The following ICAM1 variants were observed in gnomAD, a reference collection of about 807,000 sequenced individuals.
ICAM1 encodes the protein intercellular adhesion molecule 1.
In ICAM1, 28 loss-of-function variants were observed where a neutral mutation model predicts 42.3. That is an observed-to-expected ratio of 0.66 (90% CI 0.49 to 0.91). ICAM1 has a LOEUF of 0.91. Ranked by LOEUF, ICAM1 falls within the 40% of genes least tolerant of loss-of-function variation. The pLI, the probability that ICAM1 is intolerant of heterozygous loss-of-function variation, is 0.00. For synonymous variants in ICAM1, 304 were observed against 305.9 expected, an observed-to-expected ratio of 0.99 and a Z score of 0.07; for missense variants, 637 against 688.6, an observed-to-expected ratio of 0.93 and a Z score of 0.84.
Position 10,275,033 on chromosome 19 carries a change from G to C in ICAM1, c.331+5G>C. The C allele has an allele frequency of 1.2e-6, 2 of 1,612,930 alleles. No homozygotes were observed. The highest frequency in any genetic ancestry group is 2.2e-5 in the South Asian group (2 of 91,020). ...AAACCTTCCTCACCGTGTACTGTGA[G>C]TAACTGAGCCCGGAGGGCTGGACTA... On this transcript the variant is annotated splice_donor_5th_base_variant and intron_variant, in intron 2 of 6. Transcript: ENST00000264832.
rs561258573 is a variant in ICAM1 at position 10,285,002 on chromosome 19, C to T, written c.1400C>T (p.Thr467Ile). The T allele has an allele frequency of 1.8e-4, 289 of 1,613,644 alleles. 1 individual carries two copies. The South Asian group carries it at 3.0e-3, about 17-fold the overall frequency. ...GCCAGGAGCACTCAAGGGGAGGTCA[C>T]CCGCAAGGTGACCGTGAATGTGCTC... ...CRARSTQGEV[T>I]RKVTVNVLSP... Residue 467 changes from threonine (T) to isoleucine (I), a missense_variant, in exon 6 of 7, where the codon ACC becomes ATC. Coordinates refer to ENST00000264832, the MANE Select transcript of ICAM1 (RefSeq NM_000201.3).
Position 10,285,897 on chromosome 19 carries a change from TC to T in ICAM1, c.*611del, listed in dbSNP as rs2040101453. ...CTCCCAGTCCTAATCACATTCAAGG[TC>T]ACCAGGTACAGTTGTACAGGTTGTA... is the stretch of plus-strand genomic sequence containing the variant. On this transcript the variant is annotated 3_prime_UTR_variant, in exon 7 of 7. Coordinates refer to ENST00000264832, the MANE Select transcript of ICAM1 (RefSeq NM_000201.3). 6.5e-6 allele frequency: 1 copy of T among 154,390 alleles called. No homozygotes were observed. Among genetic ancestry groups the T allele is most frequent in the African/African-American group, 2.4e-5 (1 of 41,452 alleles). 9.6% of individuals were successfully genotyped at this position (154,390 alleles called of 1,614,324 possible). A position where few individuals can be genotyped will look rare whatever the true frequency, so the allele number is the denominator to read the frequency against.
intron 2 of ICAM1, among the ~76,000 whole-genome samples, chr19:10,275,258 T>A (rs570185055): frequency 6.6e-6 from 1 of 152,300 alleles, no homozygotes; most frequent in East Asian, 1.9e-4. Flanking sequence ...TCCCAGCACT[T>A]TGAGAGGCTG....
intron 1 of ICAM1, 73 bp from the exon 2 acceptor site, chr19:10,274,692 C>A: frequency 6.5e-7 from 1 of 1,537,802 alleles, no homozygotes. Context: ...CAGCACCCAG[C>A]ACAGGCTGGG....
In ICAM1 at chr19:10,285,320, T is replaced by C; in HGVS notation, c.*33T>C. ...CCGGGACAGGGCCTCTTCCTCGGCC[T>C]TCCCATATTGGTGGCAGTGGTGCCA... On this transcript the variant is annotated 3_prime_UTR_variant, in exon 7 of 7. Transcript: ENST00000264832. 6.2e-7 allele frequency: 1 copy of C among 1,601,670 alleles called. No individual in the cohort carries two copies. The highest frequency in any genetic ancestry group is 8.5e-7 in the Non-Finnish European group (1 of 1,172,104).
rs569579258 is a variant in ICAM1 at position 10,283,094 on chromosome 19, C to T, written c.332-387C>T. 7.2e-5 allele frequency: 12 copies of T among 166,862 alleles called. No individual in the cohort carries two copies. The East Asian group carries it at 2.0e-3, about 28-fold the overall frequency. The allele number at this position is 166,862 out of a possible 1,614,324, so 10.3% of individuals were successfully genotyped here. ...TGGTGTGTGCCTGTAATCTAAGCTA[C>T]TCAGGAGGCTGAGGCAGGAGAATCC... On this transcript the variant is annotated intron_variant, in intron 2 of 6. Coordinates refer to ENST00000264832, the MANE Select transcript of ICAM1 (RefSeq NM_000201.3).
intron 2 of ICAM1, among the ~76,000 whole-genome samples, chr19:10,280,183 G>T (rs2040045952): frequency 2.6e-5 from 4 of 152,194 alleles, no homozygotes; most frequent in Admixed American, 1.3e-4. Context: ...GTGAGAGCAG[G>T]ACAGACTTCC....
chr19:10,273,682 C>G (rs1399959171), intron 1 of ICAM1, among the ~76,000 whole-genome samples: 1 of 151,098 alleles, frequency 6.6e-6, no homozygotes, highest in African/African-American at 2.4e-5. Context: ...AAAGTGATGG[C>G]TAAAGTCCTT....
rs1401097415 is a variant in ICAM1 at position 10,284,923 on chromosome 19, A to G, written c.1321A>G (p.Ile441Val). The G allele has an allele frequency of 1.4e-5, 22 of 1,607,576 alleles. No homozygotes were observed. The highest frequency in any genetic ancestry group is 1.7e-5 in the Admixed American group (1 of 58,758). ...AAAGGATGGCACTTTCCCACTGCCC[A>G]TCGGGGAATCAGTGACTGTCACTCG... ...CLKDGTFPLP[I>V]GESVTVTRDL... The change falls in exon 6 of 7, where the codon ATC becomes GTC. Residue 441 changes from isoleucine to valine, a missense_variant. By Grantham distance (29) the Ile-to-Val change is conservative. Transcript: ENST00000264832. This position sits in a 1 kb window ranked among gnomAD's most constrained non-coding sequence, Gnocchi z 5.4.
At chr19:10,281,216 G>C (rs542452570) in intron 2 of ICAM1, among the ~76,000 whole-genome samples, 1 of 151,568 alleles carries the variant, frequency 6.6e-6, no homozygotes, top group South Asian at 2.1e-4. Context: ...TGATCCATCT[G>C]TTCTGGCCTC....
In ICAM1 at chr19:10,281,115, C is replaced by T. The variant is rs577156470; in HGVS notation, c.332-2366C>T. Among the ~76,000 whole-genome samples the T allele has an allele frequency of 1.1e-4, 16 of 151,840 alleles. No individual in the cohort carries two copies. In the East Asian group the frequency reaches 1.7e-3, roughly 17 times the overall value. ...GTCTTGATCTCCTGACCTCGTGATC[C>T]GCCCGCCTTGGCCTCCCAAAGTGCT... On this transcript the variant is annotated intron_variant, in intron 2 of 6. Coordinates refer to ENST00000264832, the MANE Select transcript of ICAM1 (RefSeq NM_000201.3).
Position 10,284,502 on chromosome 19 carries a change from T to C in ICAM1, c.1025T>C (p.Leu342Pro). The C allele has an allele frequency of 6.2e-7, 1 of 1,614,026 alleles. No individual in the cohort carries two copies. ...CEAHPRAKVT[L>P]NGVPAQPLGP... The stretch of plus-strand genomic sequence containing the variant: ...GCCCACCCTAGAGCCAAGGTGACGC[T>C]GAATGGGGTTCCAGCCCAGCCACTG... The change falls in exon 5 of 7, where the codon CTG becomes CCG. Residue 342 changes from leucine to proline, a missense_variant. Transcript: ENST00000264832. The surrounding 1 kb of genome is among the most constrained non-coding windows in gnomAD (Gnocchi z 5.4).
At chr19:10,275,056 CT>C (rs756183844) in intron 2 of ICAM1, 28 bp downstream of exon 2, 1 of 1,607,426 alleles carries the variant, frequency 6.2e-7, no homozygotes, top group East Asian at 2.2e-5. Flanking sequence ...GAGGGCTGGA[CT>C]AGGCAGACCC....
At chr19:10,275,464 CCA>C (rs1431988119) in intron 2 of ICAM1, among the ~76,000 whole-genome samples, 1 of 152,068 alleles carries the variant, frequency 6.6e-6, no homozygotes, top group African/African-American at 2.4e-5. Flanking sequence ...CCAGTGCACT[CCA>C]GTCTGGATAA....
At chr19:10,274,678 C>G (rs2040004275) in intron 1 of ICAM1, 87 bp from the exon 2 acceptor site, 1 of 1,442,160 alleles carries the variant, frequency 6.9e-7, no homozygotes, top group Non-Finnish European at 9.4e-7. Context: ...TAAGGCTGTG[C>G]CTCCAGCACC....
rs370905432 is a variant in ICAM1, at chr19:10,285,293, T to C, written c.*6T>C. The stretch of plus-strand genomic sequence containing the variant: ...CACAAGCCACGCCTCCCTGAACCTA[T>C]CCCGGGACAGGGCCTCTTCCTCGGC... On this transcript the variant is annotated 3_prime_UTR_variant, in exon 7 of 7. Coordinates refer to ENST00000264832, the MANE Select transcript of ICAM1 (RefSeq NM_000201.3). 6.2e-7 allele frequency: 1 copy of C among 1,612,536 alleles called. No individual in the cohort carries two copies. The highest frequency in any genetic ancestry group is 1.3e-5 in the African/African-American group (1 of 74,818).
In ICAM1 at chr19:10,285,571, G is replaced by C. The variant is rs2040097874; in HGVS notation, c.*284G>C. On this transcript the variant is annotated 3_prime_UTR_variant, in exon 7 of 7. Transcript: ENST00000264832. Reference sequence around the variant, plus strand: ...TGGATGTTAAAGTCTAGCCTGATGAGAGGGGAAGTGGTGGGGGAGACATAG... The same window carrying C: ...TGGATGTTAAAGTCTAGCCTGATGACAGGGGAAGTGGTGGGGGAGACATAG... 2.6e-6 allele frequency: 1 copy of C among 382,886 alleles called. No homozygotes were observed. Among genetic ancestry groups the C allele is most frequent in the East Asian group, 4.6e-5 (1 of 21,654 alleles). The allele number at this position is 382,886 out of a possible 1,614,324, so 23.7% of individuals were successfully genotyped here.
rs768851030 is a variant in ICAM1, at chr19:10,285,539, T to C, written c.*252T>C. On this transcript the variant is annotated 3_prime_UTR_variant, in exon 7 of 7. Coordinates refer to ENST00000264832, the MANE Select transcript of ICAM1 (RefSeq NM_000201.3). ...AGAGGAAGGAGCAAGACTCAAGACATGATTGATGGATGTTAAAGTCTAGCC... is the reference window on the plus strand; with the variant it reads ...AGAGGAAGGAGCAAGACTCAAGACACGATTGATGGATGTTAAAGTCTAGCC... 3 of 486,986 alleles carry C rather than the reference T, an allele frequency of 6.2e-6. No homozygotes were observed. The highest frequency in any genetic ancestry group is 1.9e-5 in the African/African-American group (1 of 51,738). 30.2% of individuals were successfully genotyped at this position (486,986 alleles called of 1,614,324 possible). A position where few individuals can be genotyped will look rare whatever the true frequency, so the allele number is the denominator to read the frequency against.
In ICAM1 at chr19:10,274,816, G is replaced by A. The variant is rs756786973; in HGVS notation, c.119G>A (p.Arg40Gln). 1.4e-5 allele frequency: 23 copies of A among 1,614,010 alleles called. No individual in the cohort carries two copies. Among genetic ancestry groups the A allele is most frequent in the Admixed American group, 3.3e-5 (2 of 60,006 alleles). Residue 40 changes from arginine (R) to glutamine (Q), a missense_variant, in exon 2 of 7, where the codon CGG becomes CAG. Transcript: ENST00000264832. ...TCCCCCTCAAAAGTCATCCTGCCCC[G>A]GGGAGGCTCCGTGCTGGTGACATGC... ...SVSPSKVILP[R>Q]GGSVLVTCST... is the part of the protein sequence containing the mutation.
Sources: gnomAD v4.1 joint callset for allele counts (sites outside exome capture counted in the v4.1 genomes callset) on GRCh38, gnomAD v4.1.1 for gene constraint, Gnocchi (gnomAD v3.1) non-coding constraint, MANE v1.5 for transcripts, NCBI Gene and HGNC (gene_info 2026-07-23, HGNC 2026-07-21) for gene names.